The following SPATA7 variants were observed in gnomAD, a reference collection of about 807,000 sequenced individuals.
The protein encoded by SPATA7 is spermatogenesis associated 7.
Under a neutral mutation model 51.8 loss-of-function variants are expected in SPATA7, and 43 were observed. The ratio of observed to expected loss-of-function variants is 0.83; its 90% CI spans 0.65 to 1.07. The LOEUF is 1.07. Ranked by LOEUF, SPATA7 falls within the 50% of genes least tolerant of loss-of-function variation. SPATA7 has a pLI of 0.00. For missense variants in SPATA7, 683 were observed against 701.3 expected (o/e 0.97, Z 0.30); for synonymous variants, 230 against 252.8 (o/e 0.91, Z 0.86).
In SPATA7 at chr14:88,398,006, C is replaced by T. The variant is rs372996229; in HGVS notation, c.238+1803C>T. ...CTGAGGCAGGAGAATGGCGTGAACC[C>T]GGGAGGTGGAGCTTGCAGTGAGCAG... On this transcript the variant is annotated intron_variant, in intron 4 of 11. Transcript: ENST00000393545. Among the ~76,000 whole-genome samples, 26 of 151,430 alleles carry T rather than the reference C, an allele frequency of 1.7e-4. No homozygotes were observed. In the South Asian group the frequency reaches 4.4e-3, roughly 25 times the overall value.
At chr14:88,403,372 A>T (rs964247588) in intron 4 of SPATA7, among the ~76,000 whole-genome samples, 1 of 152,264 alleles carries the variant, frequency 6.6e-6, no homozygotes, top group Admixed American at 6.5e-5. Context: ...CTGTTCTCCC[A>T]TGTTTGTTAC....
At chr14:88,396,057 A>G in intron 3 of SPATA7, 99 bp from the exon 4 acceptor site, 2 of 931,474 alleles carry the variant, frequency 2.1e-6, no homozygotes, top group South Asian at 2.7e-5. Context: ...AAGTATGATA[A>G]ACAGCTGCAA....
At chr14:88,398,741 GA>G (rs773729251) in intron 4 of SPATA7, among the ~76,000 whole-genome samples, 5 of 152,092 alleles carry the variant, frequency 3.3e-5, no homozygotes, top group Non-Finnish European at 7.4e-5. Context: ...TAGAGTTTGA[GA>G]ACATTTCTAC....
At chr14:88,445,473 T>G (rs1247307835) in intron 3 of SPATA7, among the ~76,000 whole-genome samples, 2 of 152,188 alleles carry the variant, frequency 1.3e-5, no homozygotes, top group Non-Finnish European at 2.9e-5. Flanking sequence ...TGAATACCCT[T>G]TATTTCCTTC....
rs770174593 is a variant in SPATA7 at position 88,438,142 on chromosome 14, A to C, written c.1520A>C (p.Gln507Pro). ...KSKHSEGVII[Q>P]QVNDETNLET... ...AAGCATTCAGAAGGGGTTATAATTC[A>C]ACAGGTGAATGATGAAACAAATCTT... Residue 507 changes from glutamine (Q) to proline (P), a missense_variant, in exon 12 of 12, where the codon CAA becomes CCA. By Grantham distance (76) the Gln-to-Pro change is moderately conservative. Transcript: ENST00000393545. 6.2e-7 allele frequency: 1 copy of C among 1,613,814 alleles called. No homozygotes were observed.
intron 4 of SPATA7, among the ~76,000 whole-genome samples, chr14:88,400,440 C>T (rs141592579): frequency 1.5e-3 from 230 of 152,258 alleles, no homozygotes; most frequent in African/African-American, 3.4e-3. Flanking sequence ...AAGCCCACCT[C>T]GGTAAATCCC....
intron 3 of SPATA7, chr14:88,455,018 T>A (rs962443915): frequency 2.2e-6 from 1 of 454,098 alleles, no homozygotes; most frequent in African/African-American, 2.0e-5. Context: ...ACTCAAAATA[T>A]TTAGATCTGG....
chr14:88,405,610 G>A (rs1220324461), intron 4 of SPATA7, among the ~76,000 whole-genome samples: 5 of 152,188 alleles, frequency 3.3e-5, no homozygotes, highest in African/African-American at 9.6e-5. Flanking sequence ...GGTCAAAAAT[G>A]ACTTCCAAGA....
At chr14:88,395,506 AAT>A (rs71126982) in intron 3 of SPATA7, among the ~76,000 whole-genome samples, 46,470 of 151,766 alleles carry the variant, frequency 0.31, 8,972 homozygotes, top group Middle Eastern at 0.44. Flanking sequence ...AGAATTTCTT[AAT>A]ATGTTTTCTT....
chr14:88,435,283 A>T (rs73327480), intron 10 of SPATA7, among the ~76,000 whole-genome samples: 5,571 of 152,156 alleles, frequency 0.037, 338 homozygotes, highest in African/African-American at 0.13. Context: ...TAAATTTTTT[A>T]ATTATTTTTT....
intron 7 of SPATA7, chr14:88,429,131 C>T (rs2076873048): frequency 2.2e-5 from 7 of 319,542 alleles, no homozygotes; most frequent in South Asian, 1.0e-4. Flanking sequence ...ATTTAAATGC[C>T]ACTCATTAAA....
rs533327372 is a variant in SPATA7 at position 88,405,234 on chromosome 14, A to G, written c.238+9031A>G. ...TATGGAATAAGCCAACTGAAGAGTA[A>G]TAGATGAAGTCACTGAGATGGGACA... On this transcript the variant is annotated intron_variant, in intron 4 of 11. Transcript: ENST00000393545. Among the ~76,000 whole-genome samples the G allele has an allele frequency of 2.6e-5, 4 of 152,352 alleles. No homozygotes were observed. The East Asian group carries it at 5.8e-4, about 22-fold the overall frequency.
chr14:88,438,068 C>G lies in SPATA7; in HGVS notation c.1446C>G (p.Asn482Lys), dbSNP rs766017194. ...TATTGTCGGCACCAAAGGATGAGAA[C>G]GAGATATTCCCTTCACCAACTGAAT... is the stretch of plus-strand genomic sequence containing the variant. ...DMLLSAPKDE[N>K]EIFPSPTEFF... Residue 482 changes from asparagine (N) to lysine (K), a missense_variant, in exon 12 of 12, where the codon AAC becomes AAG. Asn to Lys is a moderately conservative substitution (Grantham distance 94). Transcript: ENST00000393545. The G allele has an allele frequency of 6.2e-7, 1 of 1,614,030 alleles. No individual in the cohort carries two copies. Among genetic ancestry groups the G allele is most frequent in the Admixed American group, 1.7e-5 (1 of 59,994 alleles).
chr14:88,451,116 AT>A (rs2077247434), intron 3 of SPATA7, among the ~76,000 whole-genome samples: 1 of 151,970 alleles, frequency 6.6e-6, no homozygotes. Flanking sequence ...TGCATTTTGC[AT>A]TTTGCATTTC....
intron 4 of SPATA7, among the ~76,000 whole-genome samples, chr14:88,406,431 C>T (rs1352840803): frequency 6.7e-6 from 1 of 148,190 alleles, no homozygotes; most frequent in Non-Finnish European, 1.5e-5. Context: ...AACCACTAAT[C>T]TACTTTTTTT....
chr14:88,410,247 A>T (rs1214255150), intron 4 of SPATA7, among the ~76,000 whole-genome samples: 1 of 152,108 alleles, frequency 6.6e-6, no homozygotes, highest in Non-Finnish European at 1.5e-5. Context: ...AGGTCTCAAG[A>T]ACTTGGTTTA....
chr14:88,447,606 T>C (rs1437157209), intron 3 of SPATA7, among the ~76,000 whole-genome samples: 2 of 152,122 alleles, frequency 1.3e-5, no homozygotes, highest in African/African-American at 2.4e-5. Context: ...TTGGCATGAT[T>C]TTGCAGCGGC....
chr14:88,434,082 T>G (rs1262193908), intron 10 of SPATA7, among the ~76,000 whole-genome samples: 1 of 152,174 alleles, frequency 6.6e-6, no homozygotes, highest in Admixed American at 6.6e-5. Context: ...TGCTGAATCG[T>G]GCACTTAAAA....
At chr14:88,431,592 A>G (rs2076942210) in intron 9 of SPATA7, among the ~76,000 whole-genome samples, 1 of 152,116 alleles carries the variant, frequency 6.6e-6, no homozygotes, top group Non-Finnish European at 1.5e-5. Flanking sequence ...TCTTGTAACA[A>G]ATCTCAGCTT....
Sources: allele counts gnomAD v4.1 joint callset (sites outside exome capture counted in the v4.1 genomes callset), GRCh38; gene constraint gnomAD v4.1.1; transcripts MANE v1.5; gene names NCBI Gene and HGNC (gene_info 2026-07-23, HGNC 2026-07-21).